The following HHLA2 variants were observed in gnomAD, a reference collection of about 807,000 sequenced individuals.
HHLA2 encodes HHLA2 member of B7 family.
A neutral mutation model predicts 45.9 loss-of-function variants in HHLA2; 48 were observed. That is an observed-to-expected ratio of 1.05 (90% CI 0.83 to 1.33). HHLA2 has a LOEUF of 1.33. Ranked by LOEUF, HHLA2 falls within the 40% of genes most tolerant of loss-of-function variation. The pLI, the probability that HHLA2 is intolerant of heterozygous loss-of-function variation, is 0.00. For synonymous variants in HHLA2, 161 were observed against 173.9 expected (o/e 0.93, Z 0.59); for missense variants, 462 against 494.3 (o/e 0.93, Z 0.62).
intron 3 of HHLA2, among the ~76,000 whole-genome samples, chr3:108,330,603 AAG>A (rs2081369488): frequency 6.6e-6 from 1 of 152,176 alleles, no homozygotes; most frequent in Non-Finnish European, 1.5e-5. Flanking sequence ...GCCTTGAAGA[AAG>A]AAACTGGGAT....
At chr3:108,324,487 C>T (rs1442990099) in intron 2 of HHLA2, among the ~76,000 whole-genome samples, 1 of 152,076 alleles carries the variant, frequency 6.6e-6, no homozygotes, top group Non-Finnish European at 1.5e-5. Context: ...AACAAAAGCC[C>T]ACAAGATAAC....
intron 3 of HHLA2, among the ~76,000 whole-genome samples, chr3:108,330,097 C>G (rs901634135): frequency 6.6e-6 from 1 of 152,268 alleles, no homozygotes; most frequent in African/African-American, 2.4e-5. Flanking sequence ...TCACACAGCA[C>G]AGCAGCTGAT....
chr3:108,375,900 AATAG>A, intron 9 of HHLA2, 100 bp downstream of exon 8: 8 of 1,458,482 alleles, frequency 5.5e-6, no homozygotes, highest in Non-Finnish European at 7.4e-6. Flanking sequence ...CACTTTAAAA[AATAG>A]ATATATTCCA....
chr3:108,363,039 CATTTT>C (rs1447964879), intron 8 of HHLA2, among the ~76,000 whole-genome samples: 2 of 152,232 alleles, frequency 1.3e-5, no homozygotes, highest in Admixed American at 6.5e-5. Context: ...TGGGTCATTT[CATTTT>C]AATTGTTGTT....
At chr3:108,326,209 TC>T in intron 2 of HHLA2, 1 of 226,588 alleles carries the variant, frequency 4.4e-6, no homozygotes, top group Non-Finnish European at 8.9e-6. Flanking sequence ...CCACAACTCT[TC>T]CATCCACCTT....
intron 6 of HHLA2, among the ~76,000 whole-genome samples, chr3:108,355,743 A>T (rs2081877768): frequency 6.6e-6 from 1 of 152,234 alleles, no homozygotes; most frequent in South Asian, 2.1e-4. Flanking sequence ...ATTGCTCTTT[A>T]AAAGATCAAA....
intron 1 of HHLA2, among the ~76,000 whole-genome samples, chr3:108,301,471 T>C (rs2080847374): frequency 1.3e-5 from 2 of 152,138 alleles, no homozygotes; most frequent in South Asian, 2.1e-4. Context: ...AGAGTTATCT[T>C]CTTACAGTCT....
intron 8 of HHLA2, among the ~76,000 whole-genome samples, chr3:108,369,108 T>A (rs2082118553): frequency 6.6e-6 from 1 of 152,184 alleles, no homozygotes; most frequent in African/African-American, 2.4e-5. Context: ...CTGAACAACC[T>A]GCTCCTGAAT....
chr3:108,309,205 C>G (rs2080978621), intron 1 of HHLA2, among the ~76,000 whole-genome samples: 1 of 152,154 alleles, frequency 6.6e-6, no homozygotes, highest in African/African-American at 2.4e-5. Flanking sequence ...AGGTAGGGTT[C>G]TAGTTTCAGT....
chr3:108,358,756 G>A (rs752073273), intron 7 of HHLA2, among the ~76,000 whole-genome samples: 4 of 152,166 alleles, frequency 2.6e-5, no homozygotes, highest in Non-Finnish European at 5.9e-5. Context: ...GAGCTGGATG[G>A]TCCCACCCTT....
At chr3:108,367,628 G>GAAAT (rs2082086450) in intron 8 of HHLA2, among the ~76,000 whole-genome samples, 1 of 151,890 alleles carries the variant, frequency 6.6e-6, no homozygotes, top group African/African-American at 2.4e-5. Flanking sequence ...TCAACTTACT[G>GAAAT]AAATAAGGTG....
At chr3:108,354,771 A>G (rs928223402) in intron 5 of HHLA2, among the ~76,000 whole-genome samples, 1 of 152,150 alleles carries the variant, frequency 6.6e-6, no homozygotes, top group Non-Finnish European at 1.5e-5. Flanking sequence ...TGAGGAGTGT[A>G]GAGTGCCGCA....
intron 1 of HHLA2, among the ~76,000 whole-genome samples, chr3:108,309,741 T>A (rs551006489): frequency 6.6e-6 from 1 of 152,242 alleles, no homozygotes; most frequent in South Asian, 2.1e-4. Flanking sequence ...CTCAATCACA[T>A]GGTTAAAGTA....
chr3:108,351,237 T>C (rs2081771596), intron 3 of HHLA2, among the ~76,000 whole-genome samples: 1 of 152,238 alleles, frequency 6.6e-6, no homozygotes, highest in Non-Finnish European at 1.5e-5. Context: ...GTATTGGATA[T>C]GTAAAAATAT....
chr3:108,353,413 G>GCT lies in HHLA2; in HGVS notation c.65-11_65-10dup. On this transcript the variant is annotated splice_polypyrimidine_tract_variant and intron_variant, in intron 4 of 10. Coordinates refer to ENST00000619531, the Ensembl canonical transcript of HHLA2. ...CATTAATTCTCTTTATAACTTCTCT[G>GCT]CTCTTGACTGTAGGCATATTCCCTT... is the stretch of plus-strand genomic sequence containing the variant. 6.7e-7 allele frequency: 1 copy of GCT among 1,501,894 alleles called. No homozygotes were observed. The highest frequency in any genetic ancestry group is 9.0e-7 in the Non-Finnish European group (1 of 1,106,680). 93.0% of individuals were successfully genotyped at this position (1,501,894 alleles called of 1,614,324 possible). A position where few individuals can be genotyped will look rare whatever the true frequency, so the allele number is the denominator to read the frequency against.
chr3:108,350,829 C>A (rs887891288), intron 3 of HHLA2, among the ~76,000 whole-genome samples: 3 of 152,094 alleles, frequency 2.0e-5, no homozygotes, highest in Admixed American at 6.6e-5. Context: ...GGACTACAGG[C>A]ACATGCCACC....
intron 1 of HHLA2, among the ~76,000 whole-genome samples, chr3:108,298,464 A>G: frequency 6.6e-6 from 1 of 152,248 alleles, no homozygotes; most frequent in Non-Finnish European, 1.5e-5. Context: ...CTTCTAATTT[A>G]GCCCCAACTA....
At chr3:108,366,160 C>T (rs776358408) in intron 8 of HHLA2, among the ~76,000 whole-genome samples, 11 of 152,118 alleles carry the variant, frequency 7.2e-5, no homozygotes, top group Non-Finnish European at 1.5e-4. Context: ...TCCATCAATG[C>T]CCAGTTTATT....
intron 3 of HHLA2, among the ~76,000 whole-genome samples, chr3:108,347,867 A>G (rs2081695673): frequency 6.6e-6 from 1 of 152,196 alleles, no homozygotes. Context: ...TGACCCAAAC[A>G]ACTGGAAGAA....
Sources: gnomAD v4.1 joint callset for allele counts (sites outside exome capture counted in the v4.1 genomes callset) on GRCh38, gnomAD v4.1.1 for gene constraint, MANE v1.5 for transcripts, NCBI Gene and HGNC (gene_info 2026-07-23, HGNC 2026-07-21) for gene names.